The following CLN3 variants were observed in gnomAD, a reference collection of about 807,000 sequenced individuals.
CLN3 encodes the protein battenin.
In CLN3, 49 loss-of-function variants were observed where a neutral mutation model predicts 60.7. That is an observed-to-expected ratio of 0.81 (90% CI 0.64 to 1.02). The LOEUF (loss-of-function observed/expected upper bound fraction) is 1.02, where lower values mean the gene tolerates loss of function less well. CLN3 is among the 50% of genes least tolerant of loss of function. The pLI is 0.00. For missense variants in CLN3, 516 were observed against 557.4 expected (o/e 0.93, Z 0.75); for synonymous variants, 256 against 245.8 (o/e 1.04, Z -0.39).
rs137958868 is a variant in CLN3 at position 28,478,711 on chromosome 16, G to A, written c.1057-834C>T. On this transcript the variant is annotated intron_variant, in intron 14 of 15. Coordinates refer to ENST00000636147, the MANE Select transcript of CLN3 (RefSeq NM_001042432.2). ...ATTTCTCAATTGCAGCACTCTTGGC[G>A]TTTGGTGCTGGTTGTTCTGCATGGT... Among the ~76,000 whole-genome samples the A allele has an allele frequency of 8.3e-3, 1,260 of 151,458 alleles. 15 individuals are homozygous for A. Among genetic ancestry groups the A allele is most frequent in the African/African-American group, 0.026 (1,062 of 41,092 alleles).
Position 28,491,820 on chromosome 16 carries a change from C to T in CLN3, c.-61G>A. The T allele has an allele frequency of 3.8e-6, 6 of 1,596,232 alleles. No homozygotes were observed. Among genetic ancestry groups the T allele is most frequent in the Non-Finnish European group, 4.3e-6 (5 of 1,170,626 alleles). On this transcript the variant is annotated 5_prime_UTR_variant, in exon 2 of 16. In the 5' UTR this introduces an upstream ATG that the reference lacks. Transcript: ENST00000636147. Reference sequence around the variant, plus strand: ...ATAGAGTGTCCAAAGGGGGCTCCCACGGGAGGGATGAGGGTCTGCGACAGG... The same window carrying T: ...ATAGAGTGTCCAAAGGGGGCTCCCATGGGAGGGATGAGGGTCTGCGACAGG...
intron 9 of CLN3, among the ~76,000 whole-genome samples, chr16:28,485,987 C>G (rs1780628388): frequency 6.6e-6 from 1 of 151,238 alleles, no homozygotes; most frequent in Non-Finnish European, 1.5e-5. Flanking sequence ...ATCAAGTTTT[C>G]TTTTCTTTCT....
chr16:28,484,460 C>A, intron 9 of CLN3: 1 of 291,606 alleles, frequency 3.4e-6, no homozygotes, highest in Non-Finnish European at 6.7e-6. Flanking sequence ...GCAATCCTCC[C>A]GCCTCAGCCT....
Position 28,477,295 on chromosome 16 carries a change from G to A in CLN3, c.*221C>T. ...TATAAGAAGTCCATGGATAAAATCG[G>A]CATTTATTCAGAAGGCATGATGCCA... On this transcript the variant is annotated 3_prime_UTR_variant, in exon 16 of 16. Coordinates refer to ENST00000636147, the MANE Select transcript of CLN3 (RefSeq NM_001042432.2). The A allele has an allele frequency of 1.7e-6, 1 of 604,238 alleles. No homozygotes were observed. Among genetic ancestry groups the A allele is most frequent in the Non-Finnish European group, 2.9e-6 (1 of 342,920 alleles). 37.4% of individuals were successfully genotyped at this position (604,238 alleles called of 1,614,324 possible). A position where few individuals can be genotyped will look rare whatever the true frequency, so the allele number is the denominator to read the frequency against.
chr16:28,472,615 C>T (rs1446353877), downstream of CLN3, among the ~76,000 whole-genome samples: 10 of 149,904 alleles, frequency 6.7e-5, no homozygotes, highest in Non-Finnish European at 5.9e-5. Flanking sequence ...CCGAGGTGGG[C>T]GGATCACTTG....
At chr16:28,472,572 G>A (rs1370808617), downstream of CLN3, among the ~76,000 whole-genome samples, 1 of 151,764 alleles carries the variant, frequency 6.6e-6, no homozygotes, top group East Asian at 2.0e-4. Context: ...TGGGCGCGCT[G>A]GTTCACGCCT....
chr16:28,486,291 C>T (rs1314932039), intron 9 of CLN3, 56 bp downstream of exon 9: 3 of 1,607,378 alleles, frequency 1.9e-6, no homozygotes, highest in Non-Finnish European at 2.5e-6. Flanking sequence ...CACACCCAGC[C>T]ATGGCCAAGT....
Position 28,482,540 on chromosome 16 carries a change from C to A in CLN3, c.843G>T (p.Leu281=), listed in dbSNP as rs932586773. ...LRERWTVFKG[L]LWYIVPLVVV... ...CGACCAAGGGAACAATGTACCACAG[C>A]AGACCCTGGAAAAGGCAGAAGATAT... The change falls in exon 12 of 16, where the codon CTG becomes CTT. Residue 281 remains leucine (L), a synonymous_variant. Coordinates refer to ENST00000636147, the MANE Select transcript of CLN3 (RefSeq NM_001042432.2). 3 of 1,614,170 alleles carry A rather than the reference C, an allele frequency of 1.9e-6. No individual in the cohort carries two copies. The highest frequency in any genetic ancestry group is 2.7e-5 in the African/African-American group (2 of 75,050).
At chr16:28,491,435 C>G in intron 3 of CLN3, 47 bp downstream of exon 3, 2 of 1,606,382 alleles carry the variant, frequency 1.2e-6, no homozygotes, top group Non-Finnish European at 1.7e-6. Flanking sequence ...CCGGTCACTT[C>G]CCTCTTCTCA....
intron 5 of CLN3, chr16:28,488,266 C>T (rs577733811): frequency 2.4e-4 from 39 of 163,808 alleles, no homozygotes; most frequent in Admixed American, 2.9e-4. Context: ...GTCTTGAACT[C>T]CTGGTCTCAA....
In CLN3 at chr16:28,484,243, C is replaced by G; in HGVS notation, c.678-125G>C. On this transcript the variant is annotated intron_variant, in intron 9 of 15. Transcript: ENST00000636147. ...AACACTTTCAAAGATGGGTAGCTCA[C>G]TGCCTCTAAGGCTCCTACGCTGTGC... The G allele has an allele frequency of 1.1e-5, 8 of 731,896 alleles. No homozygotes were observed. In the Admixed American group the frequency reaches 1.6e-4, roughly 15 times the overall value. 45.3% of individuals were successfully genotyped at this position (731,896 alleles called of 1,614,324 possible). A position where few individuals can be genotyped will look rare whatever the true frequency, so the allele number is the denominator to read the frequency against.
downstream of CLN3, chr16:28,475,713 C>T (rs2045986561): frequency 6.6e-6 from 1 of 152,110 alleles, no homozygotes; most frequent in Non-Finnish European, 1.5e-5. Context: ...ATATATATCA[C>T]CTCAAACTCA....
At chr16:28,477,908 A>T (rs2046024548) in intron 14 of CLN3, 31 bp from the exon 15 acceptor site, 1 of 1,612,336 alleles carries the variant, frequency 6.2e-7, no homozygotes, top group Non-Finnish European at 8.5e-7. Flanking sequence ...TAAGCCTGGG[A>T]CCAGGGCGGG....
Position 28,492,007 on chromosome 16 carries a change from C to T in CLN3, c.-77+13G>A. ...CCCCGCCCCGTCTACAGCAGGGACC[C>T]TGAGGCCTGTACCTTTAAGAGCAGC... is the stretch of plus-strand genomic sequence containing the variant. On this transcript the variant is annotated intron_variant, in intron 1 of 15. Coordinates refer to ENST00000636147, the MANE Select transcript of CLN3 (RefSeq NM_001042432.2). The T allele has an allele frequency of 1.6e-6, 1 of 608,374 alleles. No individual in the cohort carries two copies. Among genetic ancestry groups the T allele is most frequent in the Non-Finnish European group, 2.9e-6 (1 of 341,600 alleles). 37.7% of individuals were successfully genotyped at this position (608,374 alleles called of 1,614,324 possible). A position where few individuals can be genotyped will look rare whatever the true frequency, so the allele number is the denominator to read the frequency against.
intron 6 of CLN3, 24 bp downstream of exon 6, chr16:28,487,638 G>A (rs1410717432): frequency 6.2e-7 from 1 of 1,607,576 alleles, no homozygotes; most frequent in Non-Finnish European, 8.5e-7. Flanking sequence ...TGCCCACCCT[G>A]CCTCCCACTA....
chr16:28,469,600 A>AAATAAATAAATAAAAT (rs2045927865), downstream of CLN3: 1 of 203,646 alleles, frequency 4.9e-6, no homozygotes, highest in African/African-American at 2.8e-5. Flanking sequence ...CTGTCTCAAA[A>AAATAAATAAATAAAAT]AAATAAATAA....
At chr16:28,472,466 T>C (rs1340300324), downstream of CLN3, among the ~76,000 whole-genome samples, 2 of 152,156 alleles carry the variant, frequency 1.3e-5, no homozygotes, top group Non-Finnish European at 2.9e-5. Context: ...CAGACTGCTG[T>C]ATCACACCAC....
downstream of CLN3, chr16:28,474,262 T>A (rs1415063243): frequency 6.6e-6 from 1 of 150,600 alleles, no homozygotes; most frequent in East Asian, 2.0e-4. Context: ...CAGGACTCCA[T>A]CTGAAAAAAC....
chr16:28,484,185 G>C, intron 9 of CLN3, 67 bp from the exon 10 acceptor site: 1 of 1,188,222 alleles, frequency 8.4e-7, no homozygotes, highest in Non-Finnish European at 1.2e-6. Flanking sequence ...GGACCATCTA[G>C]GCCACTTTTC....
Sources: gnomAD v4.1 joint callset for allele counts (sites outside exome capture counted in the v4.1 genomes callset) on GRCh38, gnomAD v4.1.1 for gene constraint, MANE v1.5 for transcripts, NCBI Gene and HGNC (gene_info 2026-07-23, HGNC 2026-07-21) for gene names.